The following RBFOX1 variants were observed in gnomAD, a reference collection of about 807,000 sequenced individuals.
The protein encoded by RBFOX1 is RNA binding fox-1 homolog 1, also known as RNA binding protein fox-1 homolog 1.
In RBFOX1, 8 loss-of-function variants were observed where a neutral mutation model predicts 57.7. The ratio of observed to expected loss-of-function variants is 0.14; its 90% CI spans 0.08 to 0.25. RBFOX1 has a LOEUF of 0.25. RBFOX1 is among the 10% of genes least tolerant of loss of function. RBFOX1 has a pLI of 1.00. For synonymous variants in RBFOX1, 326 were observed against 222.4 expected (o/e 1.47, Z -4.15); for missense variants, 611 against 548.5 (o/e 1.11, Z -1.14).
chr16:7,354,613 T>C (rs1308488937), intron 4 of RBFOX1, among the ~76,000 whole-genome samples: 2 of 152,230 alleles, frequency 1.3e-5, no homozygotes, highest in Non-Finnish European at 2.9e-5. Context: ...TTAAGCACTA[T>C]TACCGTGCCC....
rs557507581 is a variant in RBFOX1 at position 7,347,346 on chromosome 16, A to G, written c.28-170801A>G. On this transcript the variant is annotated intron_variant, in intron 4 of 15. Coordinates refer to ENST00000550418, the MANE Select transcript of RBFOX1 (RefSeq NM_018723.4). ...TTGGAAGGTAAAAGACATGTTTCAC[A>G]TGGATGACAGCAGGCAAAGAGAGCT... Among the ~76,000 whole-genome samples the G allele has an allele frequency of 3.2e-4, 49 of 152,312 alleles. 1 individual carries two copies. The South Asian group carries it at 9.9e-3, about 31-fold the overall frequency.
chr16:6,862,234 C>T (rs986301587), intron 3 of RBFOX1, among the ~76,000 whole-genome samples: 1 of 152,120 alleles, frequency 6.6e-6, no homozygotes, highest in African/African-American at 2.4e-5. Flanking sequence ...AGTTATTGCA[C>T]ATAAGAAACC....
At chr16:7,268,647 T>A (rs1211126921) in intron 4 of RBFOX1, among the ~76,000 whole-genome samples, 1 of 152,192 alleles carries the variant, frequency 6.6e-6, no homozygotes, top group African/African-American at 2.4e-5. Flanking sequence ...TTAGTTGAGC[T>A]TGTGTAACTG....
In RBFOX1 at chr16:7,653,956, G is replaced by C; in HGVS notation, c.890+9G>C. 3.3e-6 allele frequency: 5 copies of C among 1,500,474 alleles called. No homozygotes were observed. Among genetic ancestry groups the C allele is most frequent in the Non-Finnish European group, 4.4e-6 (5 of 1,132,074 alleles). 92.9% of individuals were successfully genotyped at this position (1,500,474 alleles called of 1,614,324 possible). A position where few individuals can be genotyped will look rare whatever the true frequency, so the allele number is the denominator to read the frequency against. On this transcript the variant is annotated intron_variant, in intron 12 of 15. Transcript: ENST00000550418. ...ATCCCGGCCTACGGCGGGTAAGTGG[G>C]GCAGCCTCCTGGGTGGGCCTCCCTG... is the stretch of plus-strand genomic sequence containing the variant.
chr16:6,814,832 A>G (rs538873030), intron 3 of RBFOX1, among the ~76,000 whole-genome samples: 1 of 152,192 alleles, frequency 6.6e-6, no homozygotes, highest in African/African-American at 2.4e-5. Flanking sequence ...GTGTTTCTGG[A>G]AAGGGGTCCT....
intron 4 of RBFOX1, among the ~76,000 whole-genome samples, chr16:5,973,215 C>T (rs528052233): frequency 1.4e-4 from 21 of 151,988 alleles, no homozygotes; most frequent in Admixed American, 1.0e-3. Flanking sequence ...TAGGGATGTT[C>T]GTGAAAGAAG....
rs1276257463 is a variant in RBFOX1 at position 6,882,132 on chromosome 16, GC to G, written c.-15-169924del. Among the ~76,000 whole-genome samples, 4 of 152,108 alleles carry G rather than the reference GC, an allele frequency of 2.6e-5. No individual in the cohort carries two copies. The East Asian group carries it at 7.7e-4, about 29-fold the overall frequency. ...TAAATTATTTAGCAGGAAAGTCAAG[GC>G]TGCTGATGGTCTTAGATGCCTCATT... is the stretch of plus-strand genomic sequence containing the variant. On this transcript the variant is annotated intron_variant, in intron 3 of 15. Coordinates refer to ENST00000550418, the MANE Select transcript of RBFOX1 (RefSeq NM_018723.4).
At chr16:6,568,200 A>G (rs2097294341) in intron 2 of RBFOX1, among the ~76,000 whole-genome samples, 1 of 152,156 alleles carries the variant, frequency 6.6e-6, no homozygotes, top group African/African-American at 2.4e-5. Context: ...AGAGTTTCTG[A>G]GGTCCAGGAA....
intron 14 of RBFOX1, among the ~76,000 whole-genome samples, chr16:7,704,639 G>A (rs2081857534): frequency 6.6e-6 from 1 of 152,198 alleles, no homozygotes; most frequent in Non-Finnish European, 1.5e-5. Flanking sequence ...CAGCCTCCAT[G>A]GAGTTCTCGT....
intron 3 of RBFOX1, among the ~76,000 whole-genome samples, chr16:5,857,987 CT>C (rs2057115279): frequency 6.6e-6 from 1 of 151,504 alleles, no homozygotes. Context: ...TCATTTTGTG[CT>C]ATAAGCTTTT....
chr16:7,137,368 C>T (rs986778580), intron 4 of RBFOX1, among the ~76,000 whole-genome samples: 2 of 152,100 alleles, frequency 1.3e-5, no homozygotes, highest in African/African-American at 2.4e-5. Flanking sequence ...GGGAGATAAT[C>T]GAATTGTGGG....
At chr16:6,800,895 C>A (rs1028804288) in intron 3 of RBFOX1, among the ~76,000 whole-genome samples, 1 of 152,070 alleles carries the variant, frequency 6.6e-6, no homozygotes, top group East Asian at 1.9e-4. Flanking sequence ...TAATTCACTT[C>A]AAGTGGAAAT....
intron 5 of RBFOX1, among the ~76,000 whole-genome samples, chr16:7,556,585 G>A (rs1438081709): frequency 1.3e-5 from 2 of 152,102 alleles, no homozygotes; most frequent in African/African-American, 2.4e-5. Context: ...ATTCTCTTTT[G>A]GATACAGAGT....
At chr16:7,647,125 A>C (rs1171549808) in intron 11 of RBFOX1, among the ~76,000 whole-genome samples, 4 of 152,142 alleles carry the variant, frequency 2.6e-5, no homozygotes, top group African/African-American at 9.7e-5. Context: ...ATCGAGTTCC[A>C]TGGGACAGAA....
At chr16:6,555,495 C>G (rs563947800) in intron 2 of RBFOX1, among the ~76,000 whole-genome samples, 5 of 152,172 alleles carry the variant, frequency 3.3e-5, no homozygotes, top group South Asian at 2.1e-4. Flanking sequence ...GTCAGGAGAT[C>G]GAGACCATCC....
intron 14 of RBFOX1, among the ~76,000 whole-genome samples, chr16:7,690,584 A>C (rs918620502): frequency 1.3e-5 from 2 of 152,252 alleles, no homozygotes; most frequent in South Asian, 2.1e-4. Flanking sequence ...TAGGGTTTGC[A>C]TAAGGAGACA....
At chr16:7,264,674 A>G (rs1390179979) in intron 4 of RBFOX1, among the ~76,000 whole-genome samples, 2 of 152,252 alleles carry the variant, frequency 1.3e-5, no homozygotes, top group African/African-American at 4.8e-5. Flanking sequence ...GGTGTCATGC[A>G]ATCTTATTTT....
At chr16:5,683,300 C>T (rs909740358) in intron 3 of RBFOX1, among the ~76,000 whole-genome samples, 1 of 152,094 alleles carries the variant, frequency 6.6e-6, no homozygotes, top group African/African-American at 2.4e-5. Flanking sequence ...CAGGTTTAAC[C>T]CCAGAGCATT....
intron 4 of RBFOX1, among the ~76,000 whole-genome samples, chr16:7,078,862 CCTTT>C (rs2058714269): frequency 2.6e-5 from 1 of 38,574 alleles, no homozygotes; most frequent in African/African-American, 6.1e-5. Context: ...TATATATATA[CCTTT>C]TTTTTTTTTT....
Sources: gnomAD v4.1 joint callset for allele counts (sites outside exome capture counted in the v4.1 genomes callset) on GRCh38, gnomAD v4.1.1 for gene constraint, MANE v1.5 for transcripts, NCBI Gene and HGNC (gene_info 2026-07-23, HGNC 2026-07-21) for gene names.